GLIS3: variants seen among roughly 807,000 people sequenced by gnomAD.
The protein encoded by GLIS3 is zinc finger protein GLIS3.
GLIS3 carries 53 observed loss-of-function variants against 78.6 expected under a neutral mutation model. The observed-to-expected ratio is 0.67, with a 90% confidence interval of 0.54 to 0.85. The LOEUF is 0.85. Ranked by LOEUF, GLIS3 falls within the 40% of genes least tolerant of loss-of-function variation. The pLI is 0.00. For synonymous variants in GLIS3, 684 were observed against 509.9 expected, an observed-to-expected ratio of 1.34 and a Z score of -4.60; for missense variants, 1,703 against 1,231.1, an observed-to-expected ratio of 1.38 and a Z score of -5.74.
At chr9:3,955,870 G>A (rs7022166) in intron 4 of GLIS3, among the ~76,000 whole-genome samples, 7,647 of 151,964 alleles carry the variant, frequency 0.05, 662 homozygotes, top group African/African-American at 0.17. Flanking sequence ...TCTGGGAGAA[G>A]AAAGAGTCAA....
At chr9:3,851,069 C>A (rs1471261043) in intron 9 of GLIS3, among the ~76,000 whole-genome samples, 1 of 152,168 alleles carries the variant, frequency 6.6e-6, no homozygotes, top group African/African-American at 2.4e-5. Context: ...ACTTGCTGAA[C>A]TGAACTTGGT....
chr9:4,419,061 A>G, the GLIS3 span, among the ~76,000 whole-genome samples: 4 of 152,240 alleles, frequency 2.6e-5, no homozygotes, highest in African/African-American at 9.6e-5. Flanking sequence ...AATCCAATAA[A>G]TTACAAAATA....
In GLIS3 at chr9:4,092,198, C is replaced by T. The variant is rs982141363; in HGVS notation, c.1710+25570G>A. 1.8e-4 allele frequency among the ~76,000 whole-genome samples: 26 copies of T among 146,518 alleles called. No homozygotes were observed. The South Asian group carries it at 3.2e-3, about 18-fold the overall frequency. ...ACAGAGTCTCGCTCTGTTGCTCAGACTGGAGTGGAGTGGCGCAGTCTCGGC... is the reference window on the plus strand; with the variant it reads ...ACAGAGTCTCGCTCTGTTGCTCAGATTGGAGTGGAGTGGCGCAGTCTCGGC... On this transcript the variant is annotated intron_variant, in intron 4 of 10. Transcript: ENST00000381971.
chr9:4,251,684 G>A (rs575430212), intron 2 of GLIS3, among the ~76,000 whole-genome samples: 3 of 152,132 alleles, frequency 2.0e-5, no homozygotes, highest in Non-Finnish European at 2.9e-5. Context: ...ATTAGTTGAT[G>A]CAGTTTCTTC....
the GLIS3 span, among the ~76,000 whole-genome samples, chr9:4,450,712 G>C: frequency 6.6e-6 from 1 of 152,166 alleles, no homozygotes; most frequent in African/African-American, 2.4e-5. Context: ...TTAAAGAAAA[G>C]AATTTTCAAC....
intron 4 of GLIS3, among the ~76,000 whole-genome samples, chr9:4,001,440 A>C (rs576595364): frequency 6.6e-6 from 1 of 152,356 alleles, no homozygotes; most frequent in African/African-American, 2.4e-5. Context: ...AAATTTAGGC[A>C]ACCAATTAAA....
chr9:4,213,164 T>C (rs1274732268), intron 2 of GLIS3, among the ~76,000 whole-genome samples: 1 of 152,176 alleles, frequency 6.6e-6, no homozygotes, highest in Non-Finnish European at 1.5e-5. Context: ...AAAACATCTC[T>C]TATTCTAGCC....
intron 3 of GLIS3, among the ~76,000 whole-genome samples, chr9:4,124,751 G>A (rs546558779): frequency 1.6e-4 from 24 of 152,174 alleles, no homozygotes; most frequent in East Asian, 5.8e-4. Context: ...AAAGGAAGAA[G>A]ACACAAGACC....
intron 2 of GLIS3, among the ~76,000 whole-genome samples, chr9:4,282,273 T>C (rs1295692044): frequency 3.9e-5 from 6 of 152,210 alleles, no homozygotes; most frequent in African/African-American, 1.4e-4. Flanking sequence ...ATGTGTCAAC[T>C]TGACTGGGCC....
chr9:4,344,049 T>C (rs1385583224), intron 2 of GLIS3, among the ~76,000 whole-genome samples: 1 of 152,144 alleles, frequency 6.6e-6, no homozygotes, highest in Admixed American at 6.5e-5. Context: ...AACCTGCACA[T>C]GTACTCCCTA....
intron 2 of GLIS3, among the ~76,000 whole-genome samples, chr9:4,163,037 A>C (rs1008392355): frequency 6.6e-6 from 1 of 152,202 alleles, no homozygotes; most frequent in Non-Finnish European, 1.5e-5. Context: ...GGAGAGGGGA[A>C]GTAGCAACAA....
At chr9:4,398,707 G>A in the GLIS3 span, among the ~76,000 whole-genome samples, 138 of 151,312 alleles carry the variant, frequency 9.1e-4, 1 homozygote, top group Non-Finnish European at 1.6e-3. Context: ...TATTTTGTTT[G>A]AGACAGAGTT....
intron 2 of GLIS3, among the ~76,000 whole-genome samples, chr9:4,263,029 G>C (rs933558060): frequency 1.3e-5 from 2 of 151,920 alleles, no homozygotes; most frequent in Admixed American, 1.3e-4. Context: ...AAAAGGCAAG[G>C]CTAGAATGTT....
chr9:3,870,727 CA>C (rs1820920252), intron 8 of GLIS3, among the ~76,000 whole-genome samples: 2 of 152,346 alleles, frequency 1.3e-5, no homozygotes, highest in South Asian at 2.1e-4. Flanking sequence ...GTCCCTCCCA[CA>C]ACACATGGGA....
chr9:4,072,514 G>C (rs1161936114), intron 4 of GLIS3, among the ~76,000 whole-genome samples: 2 of 151,966 alleles, frequency 1.3e-5, no homozygotes, highest in South Asian at 2.1e-4. Flanking sequence ...ATTTTTTTGA[G>C]GTGGGTGTTT....
At chr9:4,389,296 T>C in the GLIS3 span, among the ~76,000 whole-genome samples, 1 of 152,196 alleles carries the variant, frequency 6.6e-6, no homozygotes. Context: ...TACCCTGCCT[T>C]CATCTAGGTT....
At chr9:4,142,432 GTCAAT>G (rs373496686) in intron 2 of GLIS3, among the ~76,000 whole-genome samples, 5 of 152,266 alleles carry the variant, frequency 3.3e-5, no homozygotes, top group African/African-American at 1.2e-4. Context: ...TTATCAAAGA[GTCAAT>G]TAAGTAGAGG....
the GLIS3 span, among the ~76,000 whole-genome samples, chr9:4,381,615 G>A: frequency 1.3e-5 from 2 of 151,164 alleles, no homozygotes; most frequent in Admixed American, 1.3e-4. Context: ...CTCCAACTGG[G>A]GCATGCCTGT....
chr9:4,063,428 T>C (rs1424470991), intron 4 of GLIS3, among the ~76,000 whole-genome samples: 1 of 151,892 alleles, frequency 6.6e-6, no homozygotes, highest in Non-Finnish European at 1.5e-5. Flanking sequence ...ACCCTAGGAA[T>C]GAATGATTAT....
Sources: gnomAD v4.1 joint callset for allele counts (sites outside exome capture counted in the v4.1 genomes callset) on GRCh38, gnomAD v4.1.1 for gene constraint, MANE v1.5 for transcripts, NCBI Gene and HGNC (gene_info 2026-07-23, HGNC 2026-07-21) for gene names.